The following AGMO variants were observed in gnomAD, a reference collection of about 807,000 sequenced individuals.
AGMO encodes glyceryl-ether monooxygenase.
In AGMO, 75 loss-of-function variants were observed where a neutral mutation model predicts 60.2. That is an observed-to-expected ratio of 1.25 (90% confidence interval 1.03 to 1.51). AGMO has a LOEUF of 1.51. Among genes scored for constraint, AGMO ranks in the 40% most tolerant of loss-of-function variants. The probability of loss-of-function intolerance (pLI) is 0.00; values close to 1 mark genes in which losing one functional copy is unlikely to be tolerated. For missense variants in AGMO, 763 were observed against 525.5 expected (o/e 1.45, Z -4.42); for synonymous variants, 261 against 177.1 (o/e 1.47, Z -3.76).
chr7:15,239,796 G>A (rs935700379), intron 12 of AGMO, among the ~76,000 whole-genome samples: 1 of 152,014 alleles, frequency 6.6e-6, no homozygotes, highest in Admixed American at 6.6e-5. Context: ...AAATATGTAG[G>A]TGAACATATT....
chr7:15,148,933 G>C, the AGMO span, among the ~76,000 whole-genome samples: 3 of 152,008 alleles, frequency 2.0e-5, no homozygotes, highest in African/African-American at 7.2e-5. Flanking sequence ...ATTCTCACTA[G>C]CATATATAAA....
chr7:15,143,750 A>G, the AGMO span, among the ~76,000 whole-genome samples: 1 of 151,390 alleles, frequency 6.6e-6, no homozygotes, highest in Non-Finnish European at 1.5e-5. Context: ...TTCTGACACA[A>G]TAGAACAGCT....
At chr7:15,132,837 G>T in the AGMO span, among the ~76,000 whole-genome samples, 4 of 152,238 alleles carry the variant, frequency 2.6e-5, no homozygotes, top group South Asian at 8.3e-4. Flanking sequence ...TTTTACAACA[G>T]GGAGTTATTA....
At chr7:15,553,034 A>C (rs1785013853) in intron 2 of AGMO, among the ~76,000 whole-genome samples, 1 of 151,772 alleles carries the variant, frequency 6.6e-6, no homozygotes. Flanking sequence ...ACATGGATGA[A>C]ATTGGAAATC....
intron 11 of AGMO, 144 bp from the exon 12 acceptor site, chr7:15,365,763 A>G (rs2128561458): frequency 1.6e-6 from 1 of 618,202 alleles, no homozygotes; most frequent in South Asian, 2.5e-5. Context: ...AAGCAATTTG[A>G]AAACAGTGAT....
intron 10 of AGMO, among the ~76,000 whole-genome samples, chr7:15,383,533 T>C (rs1783779807): frequency 1.3e-5 from 2 of 152,180 alleles, no homozygotes; most frequent in Non-Finnish European, 1.5e-5. Flanking sequence ...ACAGAATATA[T>C]AGAACTGTTA....
chr7:15,543,463 T>C (rs17168820), intron 3 of AGMO, among the ~76,000 whole-genome samples: 5,156 of 152,192 alleles, frequency 0.034, 270 homozygotes, highest in African/African-American at 0.12. Context: ...AGACATTTTG[T>C]GAAACTATGG....
chr7:15,386,217 GTAGGT>G (rs1783908030), intron 9 of AGMO, among the ~76,000 whole-genome samples: 1 of 152,024 alleles, frequency 6.6e-6, no homozygotes, highest in Admixed American at 6.6e-5. Context: ...TCTTGGCAGT[GTAGGT>G]AATCATGCTT....
intron 10 of AGMO, among the ~76,000 whole-genome samples, chr7:15,373,420 G>A (rs1783309045): frequency 1.3e-5 from 2 of 152,070 alleles, no homozygotes; most frequent in Admixed American, 6.6e-5. Flanking sequence ...AAATACTTAG[G>A]AAAAGGTATC....
chr7:15,315,414 T>C (rs1780894465), intron 12 of AGMO, among the ~76,000 whole-genome samples: 1 of 128,980 alleles, frequency 7.8e-6, no homozygotes, highest in Non-Finnish European at 1.6e-5. Flanking sequence ...CTAGGCTAAC[T>C]GCAACCTCCG....
intron 3 of AGMO, among the ~76,000 whole-genome samples, chr7:15,544,207 T>C (rs548428697): frequency 2.5e-4 from 36 of 143,636 alleles, no homozygotes; most frequent in Middle Eastern, 3.6e-3. Context: ...CATTGGACTT[T>C]AGAGACTAGG....
chr7:15,456,936 C>T (rs1250045663), intron 3 of AGMO, among the ~76,000 whole-genome samples: 1 of 152,078 alleles, frequency 6.6e-6, no homozygotes, highest in Non-Finnish European at 1.5e-5. Context: ...CATCTTATTA[C>T]TACAATTTTC....
At chr7:15,119,568 T>C in the AGMO span, among the ~76,000 whole-genome samples, 1 of 151,448 alleles carries the variant, frequency 6.6e-6, no homozygotes, top group African/African-American at 2.4e-5. Flanking sequence ...TCTGACTTTA[T>C]AAAACTTGTT....
chr7:15,214,330 A>G (rs1233289735), intron 12 of AGMO, among the ~76,000 whole-genome samples: 2 of 152,020 alleles, frequency 1.3e-5, no homozygotes, highest in African/African-American at 4.8e-5. Flanking sequence ...AAATGTGTTA[A>G]TAATTCTCAT....
intron 12 of AGMO, among the ~76,000 whole-genome samples, chr7:15,311,908 G>T (rs777654662): frequency 1.3e-5 from 2 of 152,114 alleles, no homozygotes; most frequent in African/African-American, 2.4e-5. Context: ...AGAGATGCTA[G>T]TAATAAAAAT....
chr7:15,516,740 GAAGTGAA>G (rs1324011012), intron 3 of AGMO, among the ~76,000 whole-genome samples: 1 of 151,684 alleles, frequency 6.6e-6, no homozygotes, highest in Non-Finnish European at 1.5e-5. Context: ...GCCCTTGGGA[GAAGTGAA>G]AAAGTTACAT....
chr7:15,253,504 T>A (rs1318004621), intron 12 of AGMO, among the ~76,000 whole-genome samples: 1 of 152,162 alleles, frequency 6.6e-6, no homozygotes, highest in Non-Finnish European at 1.5e-5. Context: ...CAGGGCCAGC[T>A]TGCATTTCCT....
At chr7:15,418,677 A>G (rs1352955172) in intron 4 of AGMO, 24 bp from the exon 5 acceptor site, 7 of 1,363,550 alleles carry the variant, frequency 5.1e-6, no homozygotes, top group African/African-American at 1.5e-5. Context: ...TTAAAAAAAA[A>G]TTAATTTGCA....
chr7:15,499,658 C>A (rs563483993), intron 3 of AGMO, among the ~76,000 whole-genome samples: 9 of 151,772 alleles, frequency 5.9e-5, no homozygotes, highest in African/African-American at 1.7e-4. Context: ...TGTCTTAGAT[C>A]TACATTTCCA....
Sources: allele counts gnomAD v4.1 joint callset (sites outside exome capture counted in the v4.1 genomes callset), GRCh38; gene constraint gnomAD v4.1.1; transcripts MANE v1.5; gene names NCBI Gene and HGNC (gene_info 2026-07-23, HGNC 2026-07-21).